Variants in ITGB8 observed in about 807,000 individuals in gnomAD.
ITGB8 encodes integrin subunit beta 8, also known as integrin beta-8.
In ITGB8, 30 loss-of-function variants were observed where a neutral mutation model predicts 89.5. The observed-to-expected ratio is 0.34, with a 90% CI of 0.25 to 0.45. The LOEUF is 0.45. ITGB8 is among the 20% of genes least tolerant of loss of function. The pLI is 1.00. For synonymous variants in ITGB8, 335 were observed against 320.4 expected, an observed-to-expected ratio of 1.05 and a Z score of -0.49; for missense variants, 836 against 933.3, an observed-to-expected ratio of 0.90 and a Z score of 1.36.
Position 20,378,932 on chromosome 7 carries a change from AT to A in ITGB8, c.389-115del, listed in dbSNP as rs1363971073. ...TTATAATTACACTAGCATATTCCAA[AT>A]TTTATGTGCAAATTTGTGATGATTG... is the stretch of plus-strand genomic sequence containing the variant. On this transcript the variant is annotated intron_variant, in intron 3 of 13. Coordinates refer to ENST00000222573, the MANE Select transcript of ITGB8 (RefSeq NM_002214.3). 1.4e-5 allele frequency: 8 copies of A among 584,062 alleles called. No homozygotes were observed. In the East Asian group the frequency reaches 2.3e-4, roughly 17 times the overall value. 36.2% of individuals were successfully genotyped at this position (584,062 alleles called of 1,614,324 possible). A position where few individuals can be genotyped will look rare whatever the true frequency, so the allele number is the denominator to read the frequency against.
chr7:20,398,700 G>A lies in ITGB8; in HGVS notation c.1147-160G>A, dbSNP rs75792006. Among the ~76,000 whole-genome samples the A allele has an allele frequency of 5.9e-3, 895 of 152,148 alleles. 18 individuals are homozygous for A. The highest frequency in any genetic ancestry group is 0.02 in the African/African-American group (850 of 41,514). On this transcript the variant is annotated intron_variant, in intron 8 of 13. Transcript: ENST00000222573. The stretch of plus-strand genomic sequence containing the variant: ...TCTTATGTATTTCAAATATAATTGG[G>A]TCATTATGTGGAAACACTGTTTTTA...
At position 20,331,915 on chromosome 7, in the gene ITGB8, C is replaced by G. The variant is rs758903592; in HGVS notation, c.109C>G (p.Leu37Val). The G allele has an allele frequency of 2.9e-5, 47 of 1,614,074 alleles. No individual in the cohort carries two copies. Among genetic ancestry groups the G allele is most frequent in the Admixed American group, 6.7e-5 (4 of 60,010 alleles). Residue 37 changes from leucine (L) to valine (V), a missense_variant, in exon 1 of 14, where the codon CTT (leucine) becomes GTT (valine). This residue lies in a region of ITGB8 where 182 missense variants were observed against 177.0 expected (regional missense o/e 1.03). Coordinates refer to ENST00000222573, the MANE Select transcript of ITGB8 (RefSeq NM_002214.3). ...LWAAWVFSLVLGLGQGEDNRC... is the reference protein window; with the variant it reads ...LWAAWVFSLVVGLGQGEDNRC... ...GGCAGCCTGGGTGTTTTCACTTGTT[C>G]TTGGACTGGGCCAAGGTGGTAAGTT... is the stretch of plus-strand genomic sequence containing the variant.
intron 10 of ITGB8, among the ~76,000 whole-genome samples, chr7:20,403,639 G>A (rs1024760564): frequency 6.6e-6 from 1 of 152,142 alleles, no homozygotes; most frequent in African/African-American, 2.4e-5. Context: ...TTTACACTTA[G>A]CAAATTGAGC....
At chr7:20,339,963 G>A (rs1358072982) in intron 1 of ITGB8, among the ~76,000 whole-genome samples, 2 of 152,208 alleles carry the variant, frequency 1.3e-5, no homozygotes, top group Non-Finnish European at 2.9e-5. Flanking sequence ...GGGAGGCGGA[G>A]GTTGCAGTGA....
chr7:20,386,023 C>A (rs556661402), intron 6 of ITGB8, among the ~76,000 whole-genome samples: 1 of 152,100 alleles, frequency 6.6e-6, no homozygotes, highest in African/African-American at 2.4e-5. Context: ...AATGTTAAAT[C>A]TTTTTCTGCT....
intron 1 of ITGB8, among the ~76,000 whole-genome samples, chr7:20,360,399 C>T (rs534751383): frequency 3.9e-4 from 48 of 122,794 alleles, no homozygotes; most frequent in African/African-American, 1.3e-3. Context: ...TTTTTGATTA[C>T]GTGGATGAAT....
At chr7:20,403,020 C>T (rs192468413) in intron 10 of ITGB8, among the ~76,000 whole-genome samples, 7 of 152,118 alleles carry the variant, frequency 4.6e-5, no homozygotes, top group Admixed American at 2.6e-4. Context: ...AAATTATTGA[C>T]GAATGGAAAC....
chr7:20,375,826 G>A (rs533042296), intron 3 of ITGB8, among the ~76,000 whole-genome samples: 2 of 122,464 alleles, frequency 1.6e-5, no homozygotes, highest in East Asian at 4.8e-4. Flanking sequence ...AACAAATTCA[G>A]TTACATATAA....
chr7:20,342,183 A>C (rs6461490), intron 1 of ITGB8, among the ~76,000 whole-genome samples: 140,687 of 152,272 alleles, frequency 0.92, 65,068 homozygotes, highest in East Asian at 0.99. Flanking sequence ...CAGAGGACGT[A>C]AGAATTGGCC....
At chr7:20,386,379 C>T (rs1234248434) in intron 6 of ITGB8, among the ~76,000 whole-genome samples, 2 of 148,998 alleles carry the variant, frequency 1.3e-5, no homozygotes, top group Admixed American at 6.7e-5. Flanking sequence ...GCTGGGACTA[C>T]AGGCGCGTGC....
chr7:20,334,518 A>G (rs1784513408), intron 1 of ITGB8, among the ~76,000 whole-genome samples: 1 of 152,154 alleles, frequency 6.6e-6, no homozygotes, highest in Admixed American at 6.5e-5. Context: ...CTGTTTATTC[A>G]AGTATCAATT....
At chr7:20,329,814 A>C (rs1480461532), upstream of ITGB8, 1 of 152,108 alleles carries the variant, frequency 6.6e-6, no homozygotes, top group East Asian at 1.9e-4. Flanking sequence ...CACCGTGTTA[A>C]ACTGGAAACA....
At chr7:20,339,202 A>C (rs1784673842) in intron 1 of ITGB8, among the ~76,000 whole-genome samples, 1 of 152,088 alleles carries the variant, frequency 6.6e-6, no homozygotes, top group Non-Finnish European at 1.5e-5. Context: ...AAAAAAAAAA[A>C]AAAAAACAAC....
At chr7:20,404,923 T>A in intron 11 of ITGB8, 70 bp downstream of exon 11, 1 of 1,344,530 alleles carries the variant, frequency 7.4e-7, no homozygotes, top group Non-Finnish European at 1.1e-6. Context: ...CTGACTTCCT[T>A]AATCTTAAAC....
chr7:20,343,324 G>A lies in ITGB8; in HGVS notation c.127+11391G>A, dbSNP rs1784823429. On this transcript the variant is annotated intron_variant, in intron 1 of 13. Coordinates refer to ENST00000222573, the MANE Select transcript of ITGB8 (RefSeq NM_002214.3). ...ATATTTGGGAACCAGACAGAATAAA[G>A]ATGCAATCATGTAATAAAATGGCCC... is the stretch of plus-strand genomic sequence containing the variant. Among the ~76,000 whole-genome samples the A allele has an allele frequency of 7.2e-5, 11 of 152,166 alleles. 1 individual carries two copies. In the South Asian group the frequency reaches 2.3e-3, roughly 32 times the overall value.
In ITGB8 at chr7:20,404,586, A is replaced by C. The variant is rs372874376; in HGVS notation, c.1688-42A>C. 14 of 1,541,076 alleles carry C rather than the reference A, an allele frequency of 9.1e-6. No homozygotes were observed. In the African/African-American group the frequency reaches 1.8e-4, roughly 20 times the overall value. ...ATGGTTGAAAACTCTTTACAAAGTCAGTGATCCAGATAACATAGGTCCTGC... is the reference window on the plus strand; with the variant it reads ...ATGGTTGAAAACTCTTTACAAAGTCCGTGATCCAGATAACATAGGTCCTGC... On this transcript the variant is annotated intron_variant, in intron 10 of 13. Coordinates refer to ENST00000222573, the MANE Select transcript of ITGB8 (RefSeq NM_002214.3).
At chr7:20,346,535 A>G (rs1192899421) in intron 1 of ITGB8, 2 of 161,700 alleles carry the variant, frequency 1.2e-5, no homozygotes, top group African/African-American at 4.8e-5. Flanking sequence ...GATAGTGGTG[A>G]TGATACTGTC....
intron 1 of ITGB8, among the ~76,000 whole-genome samples, chr7:20,353,757 C>T (rs936848407): frequency 6.7e-6 from 1 of 148,704 alleles, no homozygotes; most frequent in Admixed American, 6.6e-5. Flanking sequence ...CACGGTGAAA[C>T]CCCGTCTCTA....
At chr7:20,386,434 T>C (rs1188814914) in intron 6 of ITGB8, among the ~76,000 whole-genome samples, 1 of 117,300 alleles carries the variant, frequency 8.5e-6, no homozygotes, top group Admixed American at 8.3e-5. Flanking sequence ...TTTTTTTGGA[T>C]TTTTTAGTAG....
Sources: gnomAD v4.1 joint callset for allele counts (sites outside exome capture counted in the v4.1 genomes callset) on GRCh38, gnomAD v4.1.1 for gene constraint, gnomAD v4.1.1 regional missense constraint, MANE v1.5 for transcripts, NCBI Gene and HGNC (gene_info 2026-07-23, HGNC 2026-07-21) for gene names.